CCSER1: variants seen among roughly 807,000 people sequenced by gnomAD.
CCSER1 encodes coiled-coil serine rich protein 1.
CCSER1 carries 41 observed loss-of-function variants against 82.0 expected under a neutral mutation model. The ratio of observed to expected loss-of-function variants is 0.50; its 90% CI spans 0.39 to 0.65. The LOEUF is 0.65. Among genes scored for constraint, CCSER1 ranks in the 30% least tolerant of loss-of-function variants. The pLI is 0.00. For missense variants in CCSER1, 1,119 were observed against 1,064.2 expected (o/e 1.05, Z -0.72); for synonymous variants, 414 against 383.9 (o/e 1.08, Z -0.92).
chr4:91,329,119 T>G (rs2149274214), intron 10 of CCSER1, among the ~76,000 whole-genome samples: 1 of 152,326 alleles, frequency 6.6e-6, no homozygotes, highest in East Asian at 1.9e-4. Context: ...AACAGATTAA[T>G]ACTCTTGTAT....
At chr4:90,484,883 A>G (rs981331266) in intron 5 of CCSER1, among the ~76,000 whole-genome samples, 2 of 152,158 alleles carry the variant, frequency 1.3e-5, no homozygotes, top group African/African-American at 4.8e-5. Context: ...TGCTGGGAGA[A>G]CCACTACTCT....
intron 10 of CCSER1, among the ~76,000 whole-genome samples, chr4:91,174,675 ACTAT>A (rs957846402): frequency 2.6e-5 from 4 of 152,272 alleles, no homozygotes; most frequent in African/African-American, 9.6e-5. Flanking sequence ...AGATTATCCA[ACTAT>A]CTAATGTTTA....
intron 10 of CCSER1, among the ~76,000 whole-genome samples, chr4:91,540,397 T>C (rs552619507): frequency 6.6e-6 from 1 of 152,246 alleles, no homozygotes; most frequent in African/African-American, 2.4e-5. Flanking sequence ...TCTTTGCCTA[T>C]TTTAATTGAG....
chr4:90,345,728 C>A (rs968609219), intron 3 of CCSER1, among the ~76,000 whole-genome samples: 15 of 152,042 alleles, frequency 9.9e-5, no homozygotes, highest in Non-Finnish European at 1.6e-4. Context: ...TCGAACCCAG[C>A]AGCATAATTT....
At chr4:91,544,845 G>A (rs1761799916) in intron 10 of CCSER1, among the ~76,000 whole-genome samples, 1 of 152,212 alleles carries the variant, frequency 6.6e-6, no homozygotes, top group South Asian at 2.1e-4. Context: ...TGTCAGACAG[G>A]GACATTTAAG....
At chr4:90,956,628 G>T (rs1226549223) in intron 9 of CCSER1, among the ~76,000 whole-genome samples, 1 of 152,014 alleles carries the variant, frequency 6.6e-6, no homozygotes, top group South Asian at 2.1e-4. Context: ...TTCAAAATTA[G>T]GTTTCTTATG....
At chr4:91,437,704 G>C (rs1560670186) in intron 10 of CCSER1, among the ~76,000 whole-genome samples, 1 of 152,250 alleles carries the variant, frequency 6.6e-6, no homozygotes, top group Non-Finnish European at 1.5e-5. Flanking sequence ...AGCGCAAGGG[G>C]TCAGGGAGTT....
chr4:91,269,248 G>C (rs2149179255), intron 10 of CCSER1, among the ~76,000 whole-genome samples: 1 of 152,260 alleles, frequency 6.6e-6, no homozygotes. Context: ...TTTTAATTAA[G>C]GGTTAATATA....
At chr4:90,152,672 G>A (rs1727085568) in intron 1 of CCSER1, among the ~76,000 whole-genome samples, 1 of 151,994 alleles carries the variant, frequency 6.6e-6, no homozygotes, top group Non-Finnish European at 1.5e-5. Context: ...TTGCAGTTTG[G>A]CTGAGATAGA....
chr4:91,175,440 CA>C (rs1733232098), intron 10 of CCSER1, among the ~76,000 whole-genome samples: 1 of 152,172 alleles, frequency 6.6e-6, no homozygotes, highest in South Asian at 2.1e-4. Flanking sequence ...GTCCCACCAA[CA>C]GTGCAAAAGT....
intron 3 of CCSER1, among the ~76,000 whole-genome samples, chr4:90,348,820 T>A (rs1742896038): frequency 6.6e-6 from 1 of 152,220 alleles, no homozygotes; most frequent in South Asian, 2.1e-4. Context: ...ACTGCCAGAA[T>A]AATTGCCCTA....
intron 5 of CCSER1, among the ~76,000 whole-genome samples, chr4:90,476,476 G>A (rs911978665): frequency 6.6e-6 from 1 of 152,062 alleles, no homozygotes; most frequent in Non-Finnish European, 1.5e-5. Flanking sequence ...AAGGCAGCCG[G>A]CTAGATGTTT....
At chr4:91,254,158 A>T (rs1740491545) in intron 10 of CCSER1, among the ~76,000 whole-genome samples, 1 of 152,210 alleles carries the variant, frequency 6.6e-6, no homozygotes. Flanking sequence ...TAGAACAACC[A>T]AACAGAAGAT....
chr4:90,303,740 C>G (rs368680390), intron 1 of CCSER1, among the ~76,000 whole-genome samples: 57 of 152,178 alleles, frequency 3.7e-4, no homozygotes, highest in Admixed American at 1.1e-3. Context: ...CATAGGCATG[C>G]GCAAGGACTT....
intron 5 of CCSER1, among the ~76,000 whole-genome samples, chr4:90,507,166 A>G (rs1430238032): frequency 2.0e-5 from 3 of 152,182 alleles, no homozygotes; most frequent in East Asian, 1.9e-4. Context: ...ACTGATTGCT[A>G]TTTGCTAAAA....
chr4:90,464,315 GCAATTTTTGTGACTAT>G (rs1435242798), intron 4 of CCSER1, among the ~76,000 whole-genome samples: 4 of 152,148 alleles, frequency 2.6e-5, no homozygotes, highest in Admixed American at 2.6e-4. Flanking sequence ...TTTAGGATAA[GCAATTTTTGTGACTAT>G]CAAGTATTTT....
At chr4:91,209,016 G>T (rs1736576651) in intron 10 of CCSER1, among the ~76,000 whole-genome samples, 1 of 151,516 alleles carries the variant, frequency 6.6e-6, no homozygotes, top group Admixed American at 6.6e-5. Flanking sequence ...CTTGCCTTGG[G>T]TGCTGTTAGT....
At chr4:90,968,315 C>T (rs370061498) in intron 9 of CCSER1, among the ~76,000 whole-genome samples, 41 of 152,210 alleles carry the variant, frequency 2.7e-4, no homozygotes, top group African/African-American at 9.9e-4. Flanking sequence ...TTGTGATATG[C>T]ATCCCTTGCA....
chr4:91,140,699 A>T (rs1009279216), intron 10 of CCSER1, among the ~76,000 whole-genome samples: 1 of 152,180 alleles, frequency 6.6e-6, no homozygotes, highest in Non-Finnish European at 1.5e-5. Flanking sequence ...ATGTTTTTTC[A>T]CTGATTGCTT....
Sources: gnomAD v4.1 joint callset for allele counts (sites outside exome capture counted in the v4.1 genomes callset) on GRCh38, gnomAD v4.1.1 for gene constraint, MANE v1.5 for transcripts, NCBI Gene and HGNC (gene_info 2026-07-23, HGNC 2026-07-21) for gene names.